Variants in PIP5K1B observed in about 807,000 individuals in gnomAD.
The protein encoded by PIP5K1B is phosphatidylinositol-4-phosphate 5-kinase type 1 beta.
PIP5K1B carries 42 observed loss-of-function variants against 67.0 expected under a neutral mutation model. The ratio of observed to expected loss-of-function variants is 0.63; its 90% CI spans 0.49 to 0.81. The LOEUF is 0.81. Among genes scored for constraint, PIP5K1B ranks in the 30% least tolerant of loss-of-function variants. The pLI, the probability that PIP5K1B is intolerant of heterozygous loss-of-function variation, is 0.00. For missense variants in PIP5K1B, 459 were observed against 646.3 expected, an observed-to-expected ratio of 0.71 and a Z score of 3.14; for synonymous variants, 214 against 231.4, an observed-to-expected ratio of 0.92 and a Z score of 0.68.
intron 14 of PIP5K1B, among the ~76,000 whole-genome samples, chr9:68,979,548 A>T (rs1395047521): frequency 2.0e-5 from 3 of 152,208 alleles, no homozygotes; most frequent in Admixed American, 2.0e-4. Flanking sequence ...CCTATCACAC[A>T]CAGAGTCACT....
rs752432645 is a variant in PIP5K1B, at chr9:68,945,094, TA to T, written c.1502+4308del. 2.0e-5 allele frequency among the ~76,000 whole-genome samples: 3 copies of T among 151,582 alleles called. No individual in the cohort carries two copies. In the East Asian group the frequency reaches 5.8e-4, roughly 29 times the overall value. ...TTTTTTTTTTTTGCTGCTTAATAAC[TA>T]AAATATTTCTAGCAGGCAAAGTTGT... is the stretch of plus-strand genomic sequence containing the variant. On this transcript the variant is annotated intron_variant, in intron 14 of 15. Transcript: ENST00000265382.
intron 8 of PIP5K1B, among the ~76,000 whole-genome samples, chr9:68,915,801 G>A (rs910722593): frequency 6.6e-6 from 1 of 152,166 alleles, no homozygotes; most frequent in Admixed American, 6.5e-5. Context: ...GATGAAGTGT[G>A]AACCCTCTGG....
chr9:68,892,207 G>C (rs1300138181), intron 7 of PIP5K1B, among the ~76,000 whole-genome samples: 1 of 152,136 alleles, frequency 6.6e-6, no homozygotes, highest in Non-Finnish European at 1.5e-5. Flanking sequence ...AATTCTAATA[G>C]GATTTTTCAC....
At chr9:68,893,760 G>A (rs1457654387) in intron 7 of PIP5K1B, among the ~76,000 whole-genome samples, 2 of 152,136 alleles carry the variant, frequency 1.3e-5, no homozygotes, top group Non-Finnish European at 2.9e-5. Flanking sequence ...AGAAAAAAAT[G>A]AGCAAAATTA....
At chr9:68,922,292 C>T (rs1454672635) in intron 11 of PIP5K1B, among the ~76,000 whole-genome samples, 1 of 151,726 alleles carries the variant, frequency 6.6e-6, no homozygotes, top group Non-Finnish European at 1.5e-5. Context: ...TGGTCAAAAC[C>T]CCTCTACTAA....
chr9:68,738,819 T>A (rs1035813269), intron 1 of PIP5K1B, among the ~76,000 whole-genome samples: 3 of 152,220 alleles, frequency 2.0e-5, no homozygotes, highest in African/African-American at 7.2e-5. Context: ...CATATTAAAC[T>A]ATCCACATTT....
At chr9:68,850,523 G>T (rs1822425736) in intron 4 of PIP5K1B, among the ~76,000 whole-genome samples, 1 of 152,192 alleles carries the variant, frequency 6.6e-6, no homozygotes. Context: ...GTCCCTGAGG[G>T]TAAAGTCAAG....
chr9:68,930,428 C>T (rs538399253), intron 12 of PIP5K1B, among the ~76,000 whole-genome samples: 1 of 152,080 alleles, frequency 6.6e-6, no homozygotes, highest in Admixed American at 6.6e-5. Context: ...AATTACCCAG[C>T]CAGAATGCTG....
chr9:68,801,636 T>C (rs904481011), intron 2 of PIP5K1B, among the ~76,000 whole-genome samples: 3 of 152,114 alleles, frequency 2.0e-5, no homozygotes, highest in Non-Finnish European at 4.4e-5. Context: ...TTGAAAGAAG[T>C]ACATTTGGTC....
intron 14 of PIP5K1B, among the ~76,000 whole-genome samples, chr9:68,946,546 C>T (rs1827812194): frequency 6.6e-6 from 1 of 151,924 alleles, no homozygotes; most frequent in South Asian, 2.1e-4. Flanking sequence ...GTGCGTGCCA[C>T]CACGCCCGGC....
chr9:68,732,461 C>T (rs73455641), intron 1 of PIP5K1B, among the ~76,000 whole-genome samples: 2,284 of 152,294 alleles, frequency 0.015, 54 homozygotes, highest in African/African-American at 0.051. Flanking sequence ...TCTCTTCCCA[C>T]GTCTAACTTG....
intron 1 of PIP5K1B, among the ~76,000 whole-genome samples, chr9:68,738,134 G>T (rs1276811943): frequency 6.6e-6 from 1 of 152,152 alleles, no homozygotes; most frequent in African/African-American, 2.4e-5. Context: ...TTAGAACTTG[G>T]ATAGAGATCT....
chr9:68,875,197 G>C lies in PIP5K1B; in HGVS notation c.201-1480G>C, dbSNP rs1307411177. Among the ~76,000 whole-genome samples, 3 of 149,006 alleles carry C rather than the reference G, an allele frequency of 2.0e-5. No homozygotes were observed. In the East Asian group the frequency reaches 5.9e-4, roughly 29 times the overall value. ...TGTCACTCTCCTAGTGTGTAGCCGG[G>C]CTGCTGCCTGAGTGTAATCCTAGCC... On this transcript the variant is annotated intron_variant, in intron 5 of 15. Transcript: ENST00000265382.
chr9:68,920,371 T>TTC (rs1826311911), intron 11 of PIP5K1B, among the ~76,000 whole-genome samples: 1 of 117,678 alleles, frequency 8.5e-6, no homozygotes, highest in South Asian at 2.7e-4. Context: ...TTTTTTTTTT[T>TTC]TTTTTTTTTT....
chr9:68,868,025 T>C (rs931862989), intron 5 of PIP5K1B, among the ~76,000 whole-genome samples: 9 of 152,244 alleles, frequency 5.9e-5, no homozygotes, highest in African/African-American at 1.9e-4. Context: ...GTCCTATGAA[T>C]TATTTCATTT....
chr9:68,802,486 G>A (rs535367063), intron 2 of PIP5K1B, among the ~76,000 whole-genome samples: 7 of 152,218 alleles, frequency 4.6e-5, no homozygotes, highest in African/African-American at 1.7e-4. Context: ...GCCCTCAAGG[G>A]GCCAATAGTG....
At chr9:68,787,718 C>T (rs753170906) in intron 2 of PIP5K1B, among the ~76,000 whole-genome samples, 15 of 152,052 alleles carry the variant, frequency 9.9e-5, no homozygotes, top group Non-Finnish European at 1.8e-4. Flanking sequence ...CTGCAACCTC[C>T]GCCTCCCGGG....
intron 1 of PIP5K1B, among the ~76,000 whole-genome samples, chr9:68,709,307 C>T (rs1415468622): frequency 6.6e-6 from 1 of 151,924 alleles, no homozygotes; most frequent in East Asian, 1.9e-4. Context: ...AGTGGCCCAA[C>T]TCCAGCCTCA....
chr9:68,784,673 A>G (rs970096471), intron 2 of PIP5K1B: 1 of 164,650 alleles, frequency 6.1e-6, no homozygotes, highest in Non-Finnish European at 1.5e-5. Context: ...TTGAAGATCT[A>G]ACAGAGGTGG....
Sources: allele counts gnomAD v4.1 joint callset (sites outside exome capture counted in the v4.1 genomes callset), GRCh38; gene constraint gnomAD v4.1.1; transcripts MANE v1.5; gene names NCBI Gene and HGNC (gene_info 2026-07-23, HGNC 2026-07-21).